The following MCF2 variants were observed in gnomAD, a reference collection of about 807,000 sequenced individuals.
MCF2 encodes MCF.2 cell line derived transforming sequence.
MCF2 carries 44 observed loss-of-function variants against 82.5 expected under a neutral mutation model. The observed-to-expected ratio is 0.53, with a 90% CI of 0.42 to 0.69. The LOEUF is 0.69. MCF2 is among the 30% of genes least tolerant of loss of function. The probability of loss-of-function intolerance (pLI) is 0.00; values close to 1 mark genes in which losing one functional copy is unlikely to be tolerated. For missense variants in MCF2, 623 were observed against 663.1 expected, an observed-to-expected ratio of 0.94 and a Z score of 0.66; for synonymous variants, 217 against 224.9, an observed-to-expected ratio of 0.96 and a Z score of 0.32.
chrX:139,702,010 C>G (rs1275428095), intron 1 of MCF2, among the ~76,000 whole-genome samples: 1 of 111,065 alleles, frequency 9.0e-6, no homozygotes, highest in Non-Finnish European at 1.9e-5. Flanking sequence ...GTCTATCACC[C>G]CTGGGGCTGC....
chrX:139,628,705 G>A (rs757847615), intron 4 of MCF2, among the ~76,000 whole-genome samples: 240 of 112,187 alleles, frequency 2.1e-3, no homozygotes, highest in African/African-American at 7.6e-3. Context: ...AATGCACACA[G>A]TATGTCTATT....
chrX:139,608,046 T>C (rs972716467), intron 11 of MCF2, among the ~76,000 whole-genome samples: 2 of 112,026 alleles, frequency 1.8e-5, no homozygotes, highest in Non-Finnish European at 3.8e-5. Flanking sequence ...ATAAGGTTGA[T>C]TCATAAAAAG....
At chrX:139,617,001 G>A (rs1931962894) in intron 8 of MCF2, among the ~76,000 whole-genome samples, 2 of 111,310 alleles carry the variant, frequency 1.8e-5, no homozygotes, top group African/African-American at 3.3e-5. Flanking sequence ...GCCAACACCA[G>A]GTCCATACGG....
Position 139,692,578 on chromosome X carries a change from G to A in MCF2, c.-45+15528C>T, listed in dbSNP as rs139214935. Among the ~76,000 whole-genome samples, 723 of 111,895 alleles carry A rather than the reference G, an allele frequency of 6.5e-3. 4 individuals are homozygous for A. Among genetic ancestry groups the A allele is most frequent in the African/African-American group, 0.021 (660 of 30,799 alleles). ...AATTTCTGCAGAGATTCCCATTTTC[G>A]AGGGACGAAAGGCCAACCTAGGCTA... On this transcript the variant is annotated intron_variant, in intron 1 of 27. Coordinates refer to the MCF2 transcript ENST00000414978.
intron 5 of MCF2, 47 bp from the exon 9 acceptor site, chrX:139,626,354 T>C (rs778608573): frequency 2.5e-6 from 2 of 800,917 alleles, no homozygotes; most frequent in Non-Finnish European, 3.7e-6. Flanking sequence ...ACTATCTGTT[T>C]TGTAAGTATG....
At chrX:139,683,402 G>A (rs760043218) in intron 1 of MCF2, among the ~76,000 whole-genome samples, 4 of 112,327 alleles carry the variant, frequency 3.6e-5, no homozygotes, top group African/African-American at 9.7e-5. Context: ...TGAGGTTAAG[G>A]TACTTCCTAA....
exon 3 of MCF2, chrX:139,631,452 G>A (rs753854471): frequency 5.8e-6 from 7 of 1,206,468 alleles, no homozygotes; most frequent in Non-Finnish European, 7.8e-6. Context: ...CTAACTCAGG[G>A]GTTAATTGCT....
intron 1 of MCF2, among the ~76,000 whole-genome samples, chrX:139,691,069 C>T (rs190195509): frequency 4.9e-4 from 55 of 111,978 alleles, no homozygotes; most frequent in African/African-American, 1.7e-3. Flanking sequence ...CATGTTACCC[C>T]ACTTACTCCC....
At chrX:139,600,488 T>C (rs1930459452) in intron 16 of MCF2, among the ~76,000 whole-genome samples, 1 of 110,931 alleles carries the variant, frequency 9.0e-6, no homozygotes. Context: ...AGGTTCAACT[T>C]AGGGCAGAGT....
In MCF2 at chrX:139,599,516, A is replaced by G. The variant is rs772101091; in HGVS notation, c.1837-1018T>C. ...GAGGAAAAAGCCAAGGAACAACTCA[A>G]TTTATGTTATAAACATCTCTTCCCT... On this transcript the variant is annotated intron_variant, in intron 16 of 24. Coordinates refer to ENST00000370576, the Ensembl canonical transcript of MCF2. Among the ~76,000 whole-genome samples the G allele has an allele frequency of 2.7e-5, 3 of 110,705 alleles. No individual in the cohort carries two copies. The East Asian group carries it at 8.6e-4, about 32-fold the overall frequency.
chrX:139,674,144 C>CT (rs377454038), intron 1 of MCF2, among the ~76,000 whole-genome samples: 3 of 109,963 alleles, frequency 2.7e-5, no homozygotes, highest in African/African-American at 1.0e-4. Flanking sequence ...GCAACCCCTG[C>CT]TTTTTTTTCT....
At chrX:139,647,592 T>A (rs1933846737), upstream of MCF2, among the ~76,000 whole-genome samples, 1 of 110,879 alleles carries the variant, frequency 9.0e-6, no homozygotes, top group Non-Finnish European at 1.9e-5. Flanking sequence ...TGGGTGACCT[T>A]GACTCCTGGA....
chrX:139,671,500 A>C (rs1380433942), intron 1 of MCF2, among the ~76,000 whole-genome samples: 3 of 111,626 alleles, frequency 2.7e-5, no homozygotes, highest in Non-Finnish European at 5.6e-5. Context: ...ATAAGGTGTA[A>C]GGAAGGGATC....
rs756490991 is a variant in MCF2 at position 139,695,529 on chromosome X, G to A, written c.-45+12577C>T. Among the ~76,000 whole-genome samples the A allele has an allele frequency of 2.9e-4, 33 of 111,880 alleles. No homozygotes were observed. The Middle Eastern group carries it at 0.014, about 47-fold the overall frequency. On this transcript the variant is annotated intron_variant, in intron 1 of 27. Transcript: ENST00000414978. ...ATCTATAAGCATTGAAAGAATGCTG[G>A]AAAAAACATGGAGTGGATGGATAGA...
chrX:139,647,129 A>C (rs1280303077), upstream of MCF2, among the ~76,000 whole-genome samples: 2 of 112,168 alleles, frequency 1.8e-5, no homozygotes, highest in African/African-American at 6.5e-5. Context: ...AAAATGAATG[A>C]ATATAGTCAG....
rs59194440 is a variant in MCF2 at position 139,675,138 on chromosome X, G to A, written c.-44-23350C>T. Among the ~76,000 whole-genome samples the A allele has an allele frequency of 3.5e-4, 39 of 112,187 alleles. No individual in the cohort carries two copies. In the East Asian group the frequency reaches 0.011, roughly 32 times the overall value. On this transcript the variant is annotated intron_variant, in intron 1 of 27. Coordinates refer to the MCF2 transcript ENST00000414978. Reference sequence around the variant, plus strand: ...CTATTAAAGCTTGTGCATGTGTCACGTAGTTCTTATGCCATGGTTTTCAGC... The same window carrying A: ...CTATTAAAGCTTGTGCATGTGTCACATAGTTCTTATGCCATGGTTTTCAGC...
chrX:139,597,829 G>T (rs1930230234), intron 17 of MCF2, among the ~76,000 whole-genome samples: 1 of 111,334 alleles, frequency 9.0e-6, no homozygotes, highest in African/African-American at 3.3e-5. Flanking sequence ...AAGTATAATA[G>T]CTATTAAGAC....
intron 22 of MCF2, among the ~76,000 whole-genome samples, chrX:139,586,998 C>A (rs1018580159): frequency 9.0e-6 from 1 of 111,544 alleles, no homozygotes; most frequent in African/African-American, 3.3e-5. Context: ...CCACGTGAAC[C>A]ACCATATGTT....
Position 139,704,224 on chromosome X carries a change from A to G in MCF2, c.-45+3882T>C, listed in dbSNP as rs544921970. Reference sequence around the variant, plus strand: ...TGCCCTCTCTCCACTCCTATTCAACATAGTACTGGAAGTCCTAGCCAGAGC... The same window carrying G: ...TGCCCTCTCTCCACTCCTATTCAACGTAGTACTGGAAGTCCTAGCCAGAGC... On this transcript the variant is annotated intron_variant, in intron 1 of 27. Coordinates refer to the MCF2 transcript ENST00000414978. Among the ~76,000 whole-genome samples, 85 of 112,300 alleles carry G rather than the reference A, an allele frequency of 7.6e-4. No homozygotes were observed. The South Asian group carries it at 0.013, about 18-fold the overall frequency.
Sources: gnomAD v4.1 joint callset for allele counts (sites outside exome capture counted in the v4.1 genomes callset) on GRCh38, gnomAD v4.1.1 for gene constraint, MANE v1.5 for transcripts, NCBI Gene and HGNC (gene_info 2026-07-23, HGNC 2026-07-21) for gene names.